OPRPN: variants seen among roughly 807,000 people sequenced by gnomAD.
OPRPN encodes the protein opiorphin prepropeptide, also known as basic proline-rich lacrimal protein.
OPRPN carries 1 observed loss-of-function variant against 2.2 expected under a neutral mutation model. That is an observed-to-expected ratio of 0.45 (90% CI 0.16 to 2.15). The LOEUF (loss-of-function observed/expected upper bound fraction) is 2.15. OPRPN is among the 30% of genes most tolerant of loss of function. OPRPN has a pLI of 0.28. For synonymous variants in OPRPN, 126 were observed against 111.5 expected (o/e 1.13, Z -0.82); for missense variants, 306 against 297.3 (o/e 1.03, Z -0.21).
rs113081389 is a variant in OPRPN, at chr4:70,401,921, G to C, written c.51+2585G>C. The stretch of plus-strand genomic sequence containing the variant: ...CTAAACTGCTGTCAGCTGTCAGTTG[G>C]TTAAGCTGTCAGTCTGGCAGTTTCT... On this transcript the variant is annotated intron_variant, in intron 2 of 2. Coordinates refer to ENST00000399575, the MANE Select transcript of OPRPN (RefSeq NM_021225.5). Among the ~76,000 whole-genome samples, 1,371 of 152,178 alleles carry C rather than the reference G, an allele frequency of 9.0e-3. 29 individuals carry two copies. Among genetic ancestry groups the C allele is most frequent in the African/African-American group, 0.032 (1,309 of 41,520 alleles).
At position 70,410,001 on chromosome 4, in the gene OPRPN, A is replaced by C; in HGVS notation, c.673A>C (p.Thr225Pro). 6.2e-7 allele frequency: 1 copy of C among 1,611,950 alleles called. No individual in the cohort carries two copies. The highest frequency in any genetic ancestry group is 8.5e-7 in the Non-Finnish European group (1 of 1,179,366). The change falls in exon 3 of 3, where the codon ACT becomes CCT. Residue 225 changes from threonine to proline, a missense_variant. Thr to Pro is a conservative substitution (Grantham distance 38). Coordinates refer to ENST00000399575, the MANE Select transcript of OPRPN (RefSeq NM_021225.5). The stretch of plus-strand genomic sequence containing the variant: ...GCTCAATGCCACTGTCCAAGTTACG[A>C]CTTCCAACCAAACTATATTAAGCAG... ...VLLNATVQVT[T>P]SNQTILSSPA...
chr4:70,399,360 T>A, intron 2 of OPRPN, 24 bp downstream of exon 2: 1 of 1,545,426 alleles, frequency 6.5e-7, no homozygotes, highest in East Asian at 2.3e-5. Flanking sequence ...ATTCTAAATT[T>A]ACTTGTTATA....
At chr4:70,402,386 G>A (rs1042057061) in intron 2 of OPRPN, among the ~76,000 whole-genome samples, 1 of 152,102 alleles carries the variant, frequency 6.6e-6, no homozygotes, top group South Asian at 2.1e-4. Flanking sequence ...ATGCTCAAAT[G>A]TTGTCACGGG....
At chr4:70,403,226 A>C (rs967706671) in intron 2 of OPRPN, among the ~76,000 whole-genome samples, 8 of 152,208 alleles carry the variant, frequency 5.3e-5, no homozygotes, top group Non-Finnish European at 7.3e-5. Flanking sequence ...TGGTAATAAT[A>C]GCCAGAGCAG....
chr4:70,408,808 C>T (rs1733144145), intron 2 of OPRPN, among the ~76,000 whole-genome samples: 2 of 152,178 alleles, frequency 1.3e-5, no homozygotes, highest in South Asian at 4.1e-4. Context: ...TATACTAGCT[C>T]CATAGGCTTT....
chr4:70,407,564 A>T (rs1733116912), intron 2 of OPRPN, among the ~76,000 whole-genome samples: 1 of 152,218 alleles, frequency 6.6e-6, no homozygotes, highest in Admixed American at 6.5e-5. Flanking sequence ...TAAAAGGGAA[A>T]TTGAGAAGTG....
intron 2 of OPRPN, among the ~76,000 whole-genome samples, chr4:70,405,671 AT>A (rs934340278): frequency 3.9e-5 from 6 of 152,096 alleles, no homozygotes; most frequent in South Asian, 2.1e-4. Flanking sequence ...AACTTAATTA[AT>A]TTTTTTCCTC....
intron 2 of OPRPN, among the ~76,000 whole-genome samples, chr4:70,406,966 A>G (rs914355100): frequency 6.6e-6 from 1 of 152,208 alleles, no homozygotes; most frequent in Admixed American, 6.5e-5. Context: ...AATATAAAGT[A>G]GAACTGGCAC....
At chr4:70,401,558 A>C (rs1405533302) in intron 2 of OPRPN, among the ~76,000 whole-genome samples, 2 of 151,092 alleles carry the variant, frequency 1.3e-5, no homozygotes, top group African/African-American at 4.9e-5. Context: ...CCCAGGAACT[A>C]TTTGGGATGC....
intron 2 of OPRPN, among the ~76,000 whole-genome samples, chr4:70,405,861 C>T (rs1202282567): frequency 6.6e-6 from 1 of 151,634 alleles, no homozygotes; most frequent in Non-Finnish European, 1.5e-5. Flanking sequence ...CTCAGGAGTT[C>T]GAGACTAGCC....
chr4:70,401,846 C>A (rs147419692), intron 2 of OPRPN, among the ~76,000 whole-genome samples: 7 of 152,044 alleles, frequency 4.6e-5, no homozygotes, highest in African/African-American at 1.4e-4. Flanking sequence ...TTTGCCAATA[C>A]CTGCCATCCC....
At position 70,410,000 on chromosome 4, in the gene OPRPN, G is replaced by A. The variant is rs202180833; in HGVS notation, c.672G>A (p.Thr224=). Residue 224 remains threonine (T), a synonymous_variant, in exon 3 of 3, where the codon ACG becomes ACA. Coordinates refer to ENST00000399575, the MANE Select transcript of OPRPN (RefSeq NM_021225.5). ...TGCTCAATGCCACTGTCCAAGTTACGACTTCCAACCAAACTATATTAAGCA... is the reference window on the plus strand; with the variant it reads ...TGCTCAATGCCACTGTCCAAGTTACAACTTCCAACCAAACTATATTAAGCA... The part of the protein sequence containing the change: ...TVLLNATVQV[T]TSNQTILSSP... The A allele has an allele frequency of 1.6e-4, 264 of 1,612,246 alleles. 1 individual carries two copies. In the African/African-American group the frequency reaches 2.7e-3, roughly 17 times the overall value.
At chr4:70,404,297 C>T (rs559662690) in intron 2 of OPRPN, among the ~76,000 whole-genome samples, 9 of 152,210 alleles carry the variant, frequency 5.9e-5, no homozygotes, top group East Asian at 1.9e-4. Context: ...ACTTCAATGA[C>T]GACTCCTTGT....
Position 70,409,578 on chromosome 4 carries a change from C to G in OPRPN, c.250C>G (p.Leu84Val). The G allele has an allele frequency of 6.2e-7, 1 of 1,613,812 alleles. No individual in the cohort carries two copies. The highest frequency in any genetic ancestry group is 1.1e-5 in the South Asian group (1 of 91,074). ...SFSRFSQAVI[L>V]SQLFPLESIR... ...CTCTCGATTTAGCCAAGCAGTCATTCTATCTCAACTCTTTCCATTGGAATC... is the reference window on the plus strand; with the variant it reads ...CTCTCGATTTAGCCAAGCAGTCATTGTATCTCAACTCTTTCCATTGGAATC... The change falls in exon 3 of 3, where the codon CTA becomes GTA. Residue 84 changes from leucine (L) to valine (V), a missense_variant. By Grantham distance (32) the Leu-to-Val change is conservative. Transcript: ENST00000399575.
In OPRPN at chr4:70,409,900, C is replaced by T; in HGVS notation, c.572C>T (p.Ser191Phe). 1 of 1,614,012 alleles carries T rather than the reference C, an allele frequency of 6.2e-7. No homozygotes were observed. Among genetic ancestry groups the T allele is most frequent in the Admixed American group, 1.7e-5 (1 of 59,998 alleles). ...PISSTPEPATSISAATPAAST... is the reference protein window; with the variant it reads ...PISSTPEPATFISAATPAAST... The stretch of plus-strand genomic sequence containing the variant: ...TCTTCAACACCAGAGCCTGCCACCT[C>T]CATATCAGCAGCAACCCCCGCAGCA... Residue 191 changes from serine (S) to phenylalanine (F), a missense_variant, in exon 3 of 3, where the codon TCC (serine) becomes TTC (phenylalanine). By Grantham distance (155) the Ser-to-Phe change is radical (BLOSUM62 -2). Coordinates refer to ENST00000399575, the MANE Select transcript of OPRPN (RefSeq NM_021225.5).
chr4:70,403,267 A>T (rs1311933092), intron 2 of OPRPN, among the ~76,000 whole-genome samples: 3 of 152,196 alleles, frequency 2.0e-5, no homozygotes, highest in African/African-American at 4.8e-5. Flanking sequence ...AAAGGGCCAG[A>T]TAACAAATAT....
At chr4:70,407,626 GAGAT>G (rs1300226989) in intron 2 of OPRPN, among the ~76,000 whole-genome samples, 3 of 152,182 alleles carry the variant, frequency 2.0e-5, no homozygotes, top group Non-Finnish European at 4.4e-5. Context: ...GGAATGGAGA[GAGAT>G]AAACTAATAA....
rs1733179300 is a variant in OPRPN at position 70,409,765 on chromosome 4, T to A, written c.437T>A (p.Ile146Asn). 3.1e-6 allele frequency: 5 copies of A among 1,613,244 alleles called. No homozygotes were observed. The South Asian group carries it at 3.3e-5, about 11-fold the overall frequency. ...PISNPEPQIN[I>N]TTADTTITTN... ...TCTAACCCTGAGCCCCAAATAAACA[T>A]CACCACCGCAGATACAACAATCACC... Residue 146 changes from isoleucine (I) to asparagine (N), a missense_variant, in exon 3 of 3, where the codon ATC (isoleucine) becomes AAC (asparagine). By Grantham distance (149) the Ile-to-Asn change is moderately radical (BLOSUM62 -3). Transcript: ENST00000399575.
chr4:70,408,294 T>A (rs1733135217), intron 2 of OPRPN, among the ~76,000 whole-genome samples: 1 of 152,198 alleles, frequency 6.6e-6, no homozygotes, highest in African/African-American at 2.4e-5. Context: ...GGTCTTCTGA[T>A]GGTCGCTAGA....
Sources: gnomAD v4.1 joint callset for allele counts (sites outside exome capture counted in the v4.1 genomes callset) on GRCh38, gnomAD v4.1.1 for gene constraint, MANE v1.5 for transcripts, NCBI Gene and HGNC (gene_info 2026-07-23, HGNC 2026-07-21) for gene names.